The following ACOXL variants were observed in gnomAD, a reference collection of about 807,000 sequenced individuals.
The protein encoded by ACOXL is acyl-CoA oxidase like.
In ACOXL, 70 loss-of-function variants were observed where a neutral mutation model predicts 71.9. The observed-to-expected ratio is 0.97, with a 90% CI of 0.80 to 1.19. The LOEUF (loss-of-function observed/expected upper bound fraction) is 1.19. Ranked by LOEUF, ACOXL falls within the 50% of genes most tolerant of loss-of-function variation. The probability of loss-of-function intolerance (pLI) is 0.00; values close to 1 mark genes in which losing one functional copy is unlikely to be tolerated. For synonymous variants in ACOXL, 253 were observed against 281.6 expected, an observed-to-expected ratio of 0.90 and a Z score of 1.02; for missense variants, 703 against 736.3, an observed-to-expected ratio of 0.95 and a Z score of 0.52.
chr2:110,958,554 G>A (rs2061587149), intron 12 of ACOXL, among the ~76,000 whole-genome samples: 1 of 152,236 alleles, frequency 6.6e-6, no homozygotes, highest in Admixed American at 6.5e-5. Flanking sequence ...CATGTGTGAT[G>A]TGGCAGCCTT....
chr2:110,882,816 CTT>C (rs1696822386), intron 10 of ACOXL, among the ~76,000 whole-genome samples: 3 of 152,134 alleles, frequency 2.0e-5, no homozygotes, highest in Non-Finnish European at 4.4e-5. Context: ...TCAGTTTTCT[CTT>C]TGTTTTAGGT....
intron 9 of ACOXL, among the ~76,000 whole-genome samples, chr2:110,827,582 GCT>G (rs1689314482): frequency 6.6e-6 from 1 of 152,290 alleles, no homozygotes; most frequent in East Asian, 1.9e-4. Context: ...AGTGAGATCA[GCT>G]CTGAGTTCTT....
At chr2:111,098,912 C>A (rs866294784) in intron 17 of ACOXL, 1 of 152,202 alleles carries the variant, frequency 6.6e-6, no homozygotes, top group Non-Finnish European at 1.5e-5. Context: ...TAAAAATTAT[C>A]TCATTTCATT....
chr2:111,109,642 T>G (rs1453376865), intron 17 of ACOXL, among the ~76,000 whole-genome samples: 1 of 151,384 alleles, frequency 6.6e-6, no homozygotes, highest in Non-Finnish European at 1.5e-5. Flanking sequence ...TATCCCATAT[T>G]AATCTATTAT....
At chr2:110,767,043 G>T (rs1468153254) in intron 1 of ACOXL, among the ~76,000 whole-genome samples, 1 of 152,232 alleles carries the variant, frequency 6.6e-6, no homozygotes, top group Non-Finnish European at 1.5e-5. Context: ...CACTGAGACT[G>T]CAGGAGAGGA....
rs534481417 is a variant in ACOXL at position 110,757,230 on chromosome 2, G to A, written c.-22-11138G>A. Reference sequence around the variant, plus strand: ...CCATGTTCCTGCAAATGTCCTAATCGCATTCCTTTGTATGTCTGCATAGTA... The same window carrying A: ...CCATGTTCCTGCAAATGTCCTAATCACATTCCTTTGTATGTCTGCATAGTA... On this transcript the variant is annotated intron_variant, in intron 1 of 17. Transcript: ENST00000439055. Among the ~76,000 whole-genome samples the A allele has an allele frequency of 1.6e-4, 24 of 152,194 alleles. No homozygotes were observed. In the South Asian group the frequency reaches 2.1e-3, roughly 13 times the overall value.
chr2:110,808,950 G>A (rs553333231), intron 9 of ACOXL, among the ~76,000 whole-genome samples: 1 of 152,338 alleles, frequency 6.6e-6, no homozygotes, highest in Admixed American at 6.5e-5. Context: ...TGGGCACATA[G>A]CAGACAAACA....
At chr2:110,925,893 G>A (rs979197031) in intron 11 of ACOXL, among the ~76,000 whole-genome samples, 2 of 128,484 alleles carry the variant, frequency 1.6e-5, no homozygotes, top group East Asian at 2.3e-4. Context: ...TCTAGCTTTC[G>A]ATCTAGAAAG....
intron 10 of ACOXL, among the ~76,000 whole-genome samples, chr2:110,881,203 C>G (rs527504122): frequency 6.6e-6 from 1 of 151,440 alleles, no homozygotes; most frequent in East Asian, 1.9e-4. Context: ...ACATACATAT[C>G]ATATATGTAG....
At chr2:110,778,644 A>G (rs1477902137) in intron 2 of ACOXL, among the ~76,000 whole-genome samples, 1 of 152,200 alleles carries the variant, frequency 6.6e-6, no homozygotes, top group East Asian at 1.9e-4. Context: ...TGTGGACGAT[A>G]ACATTCTTAC....
intron 9 of ACOXL, among the ~76,000 whole-genome samples, chr2:110,831,227 T>C (rs1689788638): frequency 6.6e-6 from 1 of 152,076 alleles, no homozygotes; most frequent in African/African-American, 2.4e-5. Context: ...ATTTCTTACA[T>C]AGAAAGCCCG....
At chr2:111,014,579 T>G (rs1042729579) in intron 14 of ACOXL, among the ~76,000 whole-genome samples, 34 of 152,200 alleles carry the variant, frequency 2.2e-4, no homozygotes, top group Admixed American at 1.3e-3. Context: ...CAGCACCATT[T>G]CAAGCAAAAT....
chr2:110,795,006 C>T (rs1312614009), intron 5 of ACOXL, among the ~76,000 whole-genome samples: 3 of 151,074 alleles, frequency 2.0e-5, no homozygotes, highest in Non-Finnish European at 4.4e-5. Flanking sequence ...TTTATAGTTG[C>T]TTGCTTGATA....
intron 12 of ACOXL, 39 bp from the exon 13 acceptor site, chr2:110,987,069 A>G: frequency 6.6e-7 from 1 of 1,511,368 alleles, no homozygotes. Flanking sequence ...GTCATTTTTT[A>G]CACTGCTGAG....
chr2:110,769,372 T>G (rs1681571569), intron 2 of ACOXL, among the ~76,000 whole-genome samples: 1 of 152,020 alleles, frequency 6.6e-6, no homozygotes, highest in South Asian at 2.1e-4. Context: ...CTCAGCAGGG[T>G]GTGGTGGCTC....
At chr2:110,752,399 G>A (rs781272903) in intron 1 of ACOXL, among the ~76,000 whole-genome samples, 42 of 152,064 alleles carry the variant, frequency 2.8e-4, no homozygotes, top group Admixed American at 6.6e-4. Context: ...AAGGAGGATC[G>A]CTTGAGGCCT....
At chr2:110,757,737 A>G (rs963487968) in intron 1 of ACOXL, among the ~76,000 whole-genome samples, 1 of 151,050 alleles carries the variant, frequency 6.6e-6, no homozygotes. Context: ...CTACCTTTTA[A>G]TGGGGTTTTT....
intron 10 of ACOXL, among the ~76,000 whole-genome samples, chr2:110,884,005 T>C (rs1011416268): frequency 3.9e-5 from 6 of 152,176 alleles, no homozygotes; most frequent in Non-Finnish European, 7.3e-5. Context: ...GGATGGGTAA[T>C]AGGCACTGTA....
chr2:110,806,210 G>T (rs1034689140), intron 9 of ACOXL, among the ~76,000 whole-genome samples: 4 of 152,224 alleles, frequency 2.6e-5, no homozygotes, highest in African/African-American at 9.6e-5. Context: ...TTCACAGATG[G>T]CCTGTCCTGA....
Sources: gnomAD v4.1 joint callset for allele counts (sites outside exome capture counted in the v4.1 genomes callset) on GRCh38, gnomAD v4.1.1 for gene constraint, MANE v1.5 for transcripts, NCBI Gene and HGNC (gene_info 2026-07-23, HGNC 2026-07-21) for gene names.